KIAA0586: variants seen among roughly 807,000 people sequenced by gnomAD.
KIAA0586 encodes KIAA0586.
In KIAA0586, 144 loss-of-function variants were observed where a neutral mutation model predicts 169.8. That is an observed-to-expected ratio of 0.85 (90% confidence interval 0.74 to 0.97). KIAA0586 has a LOEUF of 0.97. Ranked by LOEUF, KIAA0586 falls within the 50% of genes least tolerant of loss-of-function variation. The pLI is 0.00. For missense variants in KIAA0586, 1,854 were observed against 1,823.0 expected, an observed-to-expected ratio of 1.02 and a Z score of -0.31; for synonymous variants, 625 against 612.4, an observed-to-expected ratio of 1.02 and a Z score of -0.30.
At chr14:58,504,651 T>A (rs1269391428) in intron 27 of KIAA0586, among the ~76,000 whole-genome samples, 1 of 152,158 alleles carries the variant, frequency 6.6e-6, no homozygotes, top group Non-Finnish European at 1.5e-5. Context: ...TTAAATTAAA[T>A]TTGACTTGAA....
intron 6 of KIAA0586, among the ~76,000 whole-genome samples, chr14:58,445,654 G>A (rs1036719692): frequency 2.0e-5 from 3 of 151,208 alleles, no homozygotes; most frequent in Non-Finnish European, 4.4e-5. Context: ...GACCAGTCTC[G>A]AACTCTTGGC....
At chr14:58,460,257 T>C (rs899993614) in intron 13 of KIAA0586, among the ~76,000 whole-genome samples, 187 bp downstream of exon 13, 1 of 152,128 alleles carries the variant, frequency 6.6e-6, no homozygotes, top group African/African-American at 2.4e-5. Context: ...CTGAACAAAA[T>C]AGATAGTTCC....
At chr14:58,525,035 G>A (rs1376515417) in intron 29 of KIAA0586, among the ~76,000 whole-genome samples, 2 of 152,052 alleles carry the variant, frequency 1.3e-5, no homozygotes, top group South Asian at 2.1e-4. Flanking sequence ...TAGCATGACT[G>A]TTTCTAGGAA....
intron 28 of KIAA0586, among the ~76,000 whole-genome samples, chr14:58,509,118 G>T (rs1363537340): frequency 6.6e-6 from 1 of 152,124 alleles, no homozygotes; most frequent in Admixed American, 6.5e-5. Flanking sequence ...TTGAGAGGCT[G>T]ATGTGGGCAG....
chr14:58,498,909 G>A lies in KIAA0586; in HGVS notation c.4117G>A (p.Asp1373Asn), dbSNP rs1302856233. The change falls in exon 27 of 31, where the codon GAT (aspartate) becomes AAT (asparagine). Residue 1373 changes from aspartate (D) to asparagine (N), a missense_variant. Asp to Asn is a conservative substitution (Grantham distance 23). Transcript: ENST00000652326. ...QPPVTNTQSLDQQCDPKPLSR... is the reference protein window; with the variant it reads ...QPPVTNTQSLNQQCDPKPLSR... Reference sequence around the variant, plus strand: ...ACCTGTCACTAATACACAGTCTTTGGATCAACAATGTGATCCTAAACCATT... The same window carrying A: ...ACCTGTCACTAATACACAGTCTTTGAATCAACAATGTGATCCTAAACCATT... 1.9e-6 allele frequency: 3 copies of A among 1,611,020 alleles called. No individual in the cohort carries two copies. The African/African-American group carries it at 4.0e-5, about 22-fold the overall frequency.
Position 58,450,695 on chromosome 14 carries a change from A to C in KIAA0586, c.1078A>C (p.Arg360=). 1 of 1,609,560 alleles carries C rather than the reference A, an allele frequency of 6.2e-7. No individual in the cohort carries two copies. Among genetic ancestry groups the C allele is most frequent in the South Asian group, 1.1e-5 (1 of 90,986 alleles). The part of the protein sequence containing the change: ...PVSRDDELSK[R]ENLLEEKENM... ...TTCAAGGGATGATGAACTATCAAAGAGGGAAAATCTTTTGGAAGAAAAAGA... is the reference window on the plus strand; with the variant it reads ...TTCAAGGGATGATGAACTATCAAAGCGGGAAAATCTTTTGGAAGAAAAAGA... Residue 360 remains arginine, a synonymous_variant, in exon 8 of 31, where the codon AGG becomes CGG. Transcript: ENST00000652326.
chr14:58,443,932 A>T, intron 5 of KIAA0586, 22 bp from the exon 6 acceptor site: 1 of 1,455,074 alleles, frequency 6.9e-7, no homozygotes, highest in African/African-American at 1.4e-5. Flanking sequence ...GTGAATTTTT[A>T]AAAATGTTTT....
At chr14:58,442,936 C>A (rs1595110639) in intron 5 of KIAA0586, 56 bp downstream of exon 5, 3 of 1,235,144 alleles carry the variant, frequency 2.4e-6, no homozygotes, top group South Asian at 2.9e-5. Context: ...GAAGTACTTA[C>A]TAAGAACTGA....
intron 4 of KIAA0586, chr14:58,433,467 C>G (rs992022187): frequency 3.3e-5 from 5 of 152,116 alleles, no homozygotes; most frequent in Non-Finnish European, 5.9e-5. Context: ...TGAATGTATC[C>G]TTTTGTTGTC....
At chr14:58,482,297 G>A (rs371812709) in intron 20 of KIAA0586, among the ~76,000 whole-genome samples, 16 of 151,998 alleles carry the variant, frequency 1.1e-4, no homozygotes, top group South Asian at 2.1e-4. Flanking sequence ...ATGGTGACGC[G>A]TGCCTGTAGT....
intron 16 of KIAA0586, among the ~76,000 whole-genome samples, chr14:58,469,623 C>A (rs2041045303): frequency 6.6e-6 from 1 of 152,084 alleles, no homozygotes; most frequent in African/African-American, 2.4e-5. Flanking sequence ...AATTAAAAGG[C>A]AAACAACACA....
At chr14:58,492,404 A>C (rs2042893937) in intron 26 of KIAA0586, 129 bp downstream of exon 26, 2 of 672,064 alleles carry the variant, frequency 3.0e-6, no homozygotes, top group East Asian at 5.8e-5. Context: ...CAGCAACTTT[A>C]ACTTGGAATC....
chr14:58,560,270 G>A, the KIAA0586 span, among the ~76,000 whole-genome samples: 576 of 152,310 alleles, frequency 3.8e-3, 4 homozygotes, highest in African/African-American at 0.013. Flanking sequence ...CTAGAGGACA[G>A]GAAACTTCAC....
intron 20 of KIAA0586, among the ~76,000 whole-genome samples, chr14:58,477,839 CTCT>C (rs1286362656): frequency 6.7e-6 from 1 of 150,294 alleles, no homozygotes; most frequent in African/African-American, 2.4e-5. Flanking sequence ...TCTTTTCTTC[CTCT>C]TCTTTTTCTC....
chr14:58,537,929 G>A (rs1050881741), intron 29 of KIAA0586, among the ~76,000 whole-genome samples: 41 of 152,084 alleles, frequency 2.7e-4, no homozygotes, highest in African/African-American at 9.7e-4. Context: ...TTACAGGCGT[G>A]AGCCACCGCG....
At chr14:58,472,122 G>C (rs2041266017) in intron 17 of KIAA0586, 77 bp from the exon 18 acceptor site, 1 of 657,658 alleles carries the variant, frequency 1.5e-6, no homozygotes, top group Admixed American at 3.5e-5. Flanking sequence ...TTATACTATA[G>C]GTGGAAATAT....
rs1415399017 is a variant in KIAA0586 at position 58,548,505 on chromosome 14, A to G, written c.*573A>G. On this transcript the variant is annotated 3_prime_UTR_variant, in exon 31 of 31. Coordinates refer to ENST00000652326, the MANE Select transcript of KIAA0586 (RefSeq NM_001329943.3). ...TTAAAATGGGGTGGGGAGGAATTCA[A>G]ATGTATGGTATGTCACATATTCTTA... The G allele has an allele frequency of 1.3e-5, 2 of 152,236 alleles. No individual in the cohort carries two copies. The highest frequency in any genetic ancestry group is 2.9e-5 in the Non-Finnish European group (2 of 68,050). 9.4% of individuals were successfully genotyped at this position (152,236 alleles called of 1,614,324 possible).
chr14:58,480,921 C>A (rs2041989615), intron 20 of KIAA0586, among the ~76,000 whole-genome samples: 1 of 152,066 alleles, frequency 6.6e-6, no homozygotes, highest in Non-Finnish European at 1.5e-5. Context: ...GTATTTAGAT[C>A]CTGTTTTCTT....
chr14:58,521,883 G>T, intron 29 of KIAA0586: 1 of 1,238,744 alleles, frequency 8.1e-7, no homozygotes, highest in Non-Finnish European at 1.2e-6. Context: ...AGATGATGAT[G>T]ACAATGAAGA....
Sources: allele counts gnomAD v4.1 joint callset (sites outside exome capture counted in the v4.1 genomes callset), GRCh38; gene constraint gnomAD v4.1.1; transcripts MANE v1.5; gene names NCBI Gene and HGNC (gene_info 2026-07-23, HGNC 2026-07-21).